The following SAMSN1 variants were observed in gnomAD, a reference collection of about 807,000 sequenced individuals.
SAMSN1 encodes SAM domain-containing protein SAMSN-1.
Under a neutral mutation model 42.0 loss-of-function variants are expected in SAMSN1, and 31 were observed. The observed-to-expected ratio is 0.74, with a 90% CI of 0.55 to 1.00. The LOEUF (loss-of-function observed/expected upper bound fraction) is 1.00. Ranked by LOEUF, SAMSN1 falls within the 50% of genes least tolerant of loss-of-function variation. The probability of loss-of-function intolerance (pLI) is 0.00; values close to 1 mark genes in which losing one functional copy is unlikely to be tolerated. For missense variants in SAMSN1, 464 were observed against 439.4 expected (o/e 1.06, Z -0.50); for synonymous variants, 178 against 151.9 (o/e 1.17, Z -1.26).
chr21:14,613,361 T>C (rs1346971238), intron 3 of SAMSN1, among the ~76,000 whole-genome samples: 2 of 152,188 alleles, frequency 1.3e-5, no homozygotes, highest in Non-Finnish European at 2.9e-5. Context: ...GATGGGCAAC[T>C]TTATGCCAGT....
intron 2 of SAMSN1, among the ~76,000 whole-genome samples, chr21:14,552,995 C>G (rs1980647434): frequency 6.6e-6 from 1 of 152,074 alleles, no homozygotes; most frequent in African/African-American, 2.4e-5. Flanking sequence ...TCCCATCCTT[C>G]TCTATTCCTA....
rs375154507 is a variant in SAMSN1, at chr21:14,606,971, A to G, written c.322+2511T>C. 4.6e-5 allele frequency among the ~76,000 whole-genome samples: 7 copies of G among 152,330 alleles called. No homozygotes were observed. The East Asian group carries it at 1.4e-3, about 29-fold the overall frequency. ...TTTAGGGCTGAAATGCTATTAATAT[A>G]ATGTGTTAATGTAGAAATATCATTT... is the stretch of plus-strand genomic sequence containing the variant. On this transcript the variant is annotated intron_variant, in intron 5 of 15. Transcript: ENST00000647101.
chr21:14,510,471 G>A lies in SAMSN1; in HGVS notation c.410-10C>T, dbSNP rs772139160. On this transcript the variant is annotated splice_polypyrimidine_tract_variant and intron_variant, in intron 4 of 7. Transcript: ENST00000400566. ...CAGCTTGTTATGCCACCTGATGAAA[G>A]CAGAAGTTCACAGTTGTCATGGAAG... 44 of 1,613,908 alleles carry A rather than the reference G, an allele frequency of 2.7e-5. 1 individual carries two copies. The Middle Eastern group carries it at 6.6e-4, about 24-fold the overall frequency.
At chr21:14,520,220 A>G (rs1978365242) in intron 2 of SAMSN1, among the ~76,000 whole-genome samples, 1 of 152,196 alleles carries the variant, frequency 6.6e-6, no homozygotes, top group African/African-American at 2.4e-5. Flanking sequence ...ACAAATGTGT[A>G]TGTAGCACTC....
At chr21:14,590,624 AT>A (rs199530961) in intron 7 of SAMSN1, among the ~76,000 whole-genome samples, 1,621 of 152,234 alleles carry the variant, frequency 0.011, 30 homozygotes, top group African/African-American at 0.038. Flanking sequence ...TAGAAGGCAG[AT>A]TTCAATAATC....
chr21:14,491,835 A>G (rs896779009), intron 7 of SAMSN1, among the ~76,000 whole-genome samples: 2 of 152,240 alleles, frequency 1.3e-5, no homozygotes, highest in African/African-American at 4.8e-5. Flanking sequence ...TGCCTTCCCT[A>G]TATAGATATG....
upstream of SAMSN1, among the ~76,000 whole-genome samples, chr21:14,586,529 T>A (rs1981924157): frequency 6.6e-6 from 1 of 152,286 alleles, no homozygotes. Context: ...TCTGGGGATA[T>A]GGCATAGAGG....
intron 2 of SAMSN1, among the ~76,000 whole-genome samples, chr21:14,629,614 A>G (rs1983272561): frequency 6.6e-6 from 1 of 152,188 alleles, no homozygotes; most frequent in East Asian, 1.9e-4. Flanking sequence ...GGTGGTGTAC[A>G]GCATCCACAC....
At chr21:14,488,415 AG>A (rs1160848345) in intron 7 of SAMSN1, among the ~76,000 whole-genome samples, 1 of 152,184 alleles carries the variant, frequency 6.6e-6, no homozygotes, top group Non-Finnish European at 1.5e-5. Flanking sequence ...GGCTCTCTTC[AG>A]GATATGAAGC....
At chr21:14,623,942 C>T (rs981036705) in intron 2 of SAMSN1, among the ~76,000 whole-genome samples, 2 of 152,150 alleles carry the variant, frequency 1.3e-5, no homozygotes, top group Admixed American at 1.3e-4. Flanking sequence ...GACCACAGAG[C>T]AATCAAACTA....
At chr21:14,540,944 T>C (rs1979979051) in intron 1 of SAMSN1, among the ~76,000 whole-genome samples, 1 of 152,142 alleles carries the variant, frequency 6.6e-6, no homozygotes, top group South Asian at 2.1e-4. Context: ...TGGAATACCA[T>C]GCAGCCATAA....
chr21:14,653,451 AT>A (rs1320820108), intron 1 of SAMSN1, among the ~76,000 whole-genome samples: 1 of 152,030 alleles, frequency 6.6e-6, no homozygotes, highest in African/African-American at 2.4e-5. Flanking sequence ...AATCAAAACA[AT>A]TGAACTTGTG....
intron 3 of SAMSN1, chr21:14,613,024 T>C (rs1190558990): frequency 1.8e-6 from 1 of 551,824 alleles, no homozygotes; most frequent in African/African-American, 1.9e-5. Context: ...AAATTCTACC[T>C]CTAACCGAGG....
chr21:14,544,557 ATCTG>A lies in SAMSN1; in HGVS notation c.57+1644_57+1647del, dbSNP rs1213374788. On this transcript the variant is annotated intron_variant, in intron 1 of 7. Coordinates refer to ENST00000400566, the MANE Select transcript of SAMSN1 (RefSeq NM_022136.5). ...CTTTAAATTCATGCAGAATGAAACC[ATCTG>A]TCTAATGAAAATAAGAATTCATTCA... Among the ~76,000 whole-genome samples the A allele has an allele frequency of 2.0e-5, 3 of 152,230 alleles. No individual in the cohort carries two copies. The South Asian group carries it at 6.2e-4, about 31-fold the overall frequency.
chr21:14,557,568 C>T (rs533544635), intron 2 of SAMSN1, among the ~76,000 whole-genome samples: 1 of 152,184 alleles, frequency 6.6e-6, no homozygotes, highest in South Asian at 2.1e-4. Flanking sequence ...GTCACATGCT[C>T]TAATGATATT....
At chr21:14,631,014 A>G (rs767230357) in intron 2 of SAMSN1, among the ~76,000 whole-genome samples, 1 of 152,188 alleles carries the variant, frequency 6.6e-6, no homozygotes, top group Non-Finnish European at 1.5e-5. Flanking sequence ...TCACCTTTCA[A>G]TGTGTCCATT....
At chr21:14,596,907 A>G in intron 6 of SAMSN1, among the ~76,000 whole-genome samples, 1 of 152,054 alleles carries the variant, frequency 6.6e-6, no homozygotes, top group African/African-American at 2.4e-5. Flanking sequence ...CTGTGAAATA[A>G]TTTTTTTTGT....
intron 1 of SAMSN1, among the ~76,000 whole-genome samples, chr21:14,653,695 G>T (rs968481337): frequency 1.2e-4 from 18 of 152,074 alleles, no homozygotes; most frequent in African/African-American, 3.4e-4. Flanking sequence ...TGCGGGAATG[G>T]ATACCCCATT....
intron 1 of SAMSN1, among the ~76,000 whole-genome samples, chr21:14,542,887 G>A (rs1173275161): frequency 6.6e-6 from 1 of 152,126 alleles, no homozygotes; most frequent in African/African-American, 2.4e-5. Context: ...GTTAGGGTTA[G>A]GGTTAGGGTT....
Sources: gnomAD v4.1 joint callset for allele counts (sites outside exome capture counted in the v4.1 genomes callset) on GRCh38, gnomAD v4.1.1 for gene constraint, MANE v1.5 for transcripts, NCBI Gene and HGNC (gene_info 2026-07-23, HGNC 2026-07-21) for gene names.